The following PFAS variants were observed in gnomAD, a reference collection of about 807,000 sequenced individuals.
PFAS encodes the protein phosphoribosylformylglycinamidine synthase, also known as FGAM synthase.
In PFAS, 97 loss-of-function variants were observed where a neutral mutation model predicts 140.6. The observed-to-expected ratio is 0.69, with a 90% CI of 0.59 to 0.82. PFAS has a LOEUF of 0.82. PFAS is among the 40% of genes least tolerant of loss of function. The pLI is 0.00. For synonymous variants in PFAS, 679 were observed against 718.8 expected (o/e 0.94, Z 0.88); for missense variants, 1,656 against 1,780.2 (o/e 0.93, Z 1.26).
chr17:8,266,985 C>T lies in PFAS; in HGVS notation c.2968-43C>T, dbSNP rs776813806. On this transcript the variant is annotated intron_variant, in intron 23 of 27. Transcript: ENST00000314666. This position sits in a 1 kb window ranked among gnomAD's most constrained non-coding sequence, Gnocchi z 5.0. Reference sequence around the variant, plus strand: ...ATCCCTCTCCCACTGTGGAGGGGGCCATCCTTTCTCCTAGCCCGTGGGAGA... The same window carrying T: ...ATCCCTCTCCCACTGTGGAGGGGGCTATCCTTTCTCCTAGCCCGTGGGAGA... The T allele has an allele frequency of 1.0e-5, 16 of 1,606,506 alleles. No homozygotes were observed. In the South Asian group the frequency reaches 1.1e-4, roughly 11 times the overall value.
Position 8,266,746 on chromosome 17 carries a change from C to T in PFAS, c.2822-7C>T. ...CATCCCCCTGACTCCCCACATTGCTCTCCCAGTCCTGTCTGTGCTGTTCGC... is the reference window on the plus strand; with the variant it reads ...CATCCCCCTGACTCCCCACATTGCTTTCCCAGTCCTGTCTGTGCTGTTCGC... On this transcript the variant is annotated splice_region_variant and splice_polypyrimidine_tract_variant and intron_variant, in intron 22 of 27. Coordinates refer to ENST00000314666, the MANE Select transcript of PFAS (RefSeq NM_012393.3). This position sits in a 1 kb window ranked among gnomAD's most constrained non-coding sequence, Gnocchi z 5.0. The T allele has an allele frequency of 1.3e-6, 2 of 1,593,926 alleles. No individual in the cohort carries two copies. The highest frequency in any genetic ancestry group is 8.5e-7 in the Non-Finnish European group (1 of 1,171,648).
Position 8,257,792 on chromosome 17 carries a change from C to G in PFAS, c.1076-15C>G, listed in dbSNP as rs200391426. 4 of 1,613,552 alleles carry G rather than the reference C, an allele frequency of 2.5e-6. No individual in the cohort carries two copies. The highest frequency in any genetic ancestry group is 3.4e-6 in the Non-Finnish European group (4 of 1,179,578). ...GTTCATTCAGTTCATCCAGTTCTCT[C>G]TCCTTCCCTCCCAGGTTACAATCTG... On this transcript the variant is annotated splice_polypyrimidine_tract_variant and intron_variant, in intron 9 of 27. Transcript: ENST00000314666.
At chr17:8,260,531 A>G (rs1400884100) in intron 11 of PFAS, among the ~76,000 whole-genome samples, 2 of 152,210 alleles carry the variant, frequency 1.3e-5, no homozygotes, top group African/African-American at 2.4e-5. Context: ...TTGTTTACCC[A>G]TTCCTTAGTT....
At position 8,269,188 on chromosome 17, in the gene PFAS, T is replaced by G. The variant is rs62637606; in HGVS notation, c.3941T>G (p.Phe1314Cys). Residue 1314 changes from phenylalanine (F) to cysteine (C), a missense_variant, in exon 28 of 28, where the codon TTT becomes TGT. Coordinates refer to ENST00000314666, the MANE Select transcript of PFAS (RefSeq NM_012393.3). The stretch of plus-strand genomic sequence containing the variant: ...CAGTGGGCATGGCGACCCCCTCCAT[T>G]TGATACTCTGACCACCTCCCCCTGG... ...PWQWAWRPPP[F>C]DTLTTSPWLQ... is the part of the protein sequence containing the mutation. The G allele has an allele frequency of 0.052, 84,026 of 1,613,504 alleles. 2,512 individuals carry two copies. The highest frequency in any genetic ancestry group is 0.11 in the Middle Eastern group (653 of 6,060).
rs1256015724 is a variant in PFAS, at chr17:8,265,118, A to G, written c.2273A>G (p.Asp758Gly). The change falls in exon 18 of 28, where the codon GAC becomes GGC. Residue 758 changes from aspartate (D) to glycine (G), a missense_variant. Physicochemically the swap from Asp to Gly is moderately conservative, Grantham distance 94 (BLOSUM62 -1). Coordinates refer to ENST00000314666, the MANE Select transcript of PFAS (RefSeq NM_012393.3). ...LTNLVFALVT[D>G]LRDVKCSGNW... The stretch of plus-strand genomic sequence containing the variant: ...AACCTGGTGTTTGCTCTGGTCACTG[A>G]CCTCCGGGTGAGTTCTCCCACAGCT... 3 of 1,611,200 alleles carry G rather than the reference A, an allele frequency of 1.9e-6. No individual in the cohort carries two copies.
In PFAS at chr17:8,267,174, G is replaced by T; in HGVS notation, c.3114G>T (p.Arg1038=). The T allele has an allele frequency of 6.2e-7, 1 of 1,608,250 alleles. No individual in the cohort carries two copies. The highest frequency in any genetic ancestry group is 8.5e-7 in the Non-Finnish European group (1 of 1,177,946). The part of the protein sequence containing the change: ...VAEEERGLRE[R]MGPSYCLPPT... ...AGGAGGAACGGGGCCTGAGGGAGCG[G>T]ATGGGGCCCAGCTATTGCCTGCCCC... is the stretch of plus-strand genomic sequence containing the variant. The change falls in exon 24 of 28, where the codon CGG becomes CGT. Residue 1038 remains arginine, a synonymous_variant. Coordinates refer to ENST00000314666, the MANE Select transcript of PFAS (RefSeq NM_012393.3). The surrounding 1 kb of genome is among the most constrained non-coding windows in gnomAD (Gnocchi z 4.9).
rs967165034 is a variant in PFAS, at chr17:8,264,114, A to G, written c.1792-98A>G. The G allele has an allele frequency of 1.4e-5, 22 of 1,543,956 alleles. No individual in the cohort carries two copies. The African/African-American group carries it at 3.0e-4, about 21-fold the overall frequency. ...CAGGGACTCAATATGGAAACCAAACAAGGAGTGGAAAGCACATTTGTGCCC... is the reference window on the plus strand; with the variant it reads ...CAGGGACTCAATATGGAAACCAAACGAGGAGTGGAAAGCACATTTGTGCCC... On this transcript the variant is annotated intron_variant, in intron 15 of 27. Coordinates refer to ENST00000314666, the MANE Select transcript of PFAS (RefSeq NM_012393.3).
intron 9 of PFAS, among the ~76,000 whole-genome samples, chr17:8,257,461 CGA>C (rs1989418317): frequency 6.6e-6 from 1 of 152,032 alleles, no homozygotes; most frequent in South Asian, 2.1e-4. Flanking sequence ...GAGGCTGAGG[CGA>C]GAGAATGGCG....
At position 8,254,321 on chromosome 17, in the gene PFAS, C is replaced by T; in HGVS notation, c.278+20C>T. Reference sequence around the variant, plus strand: ...GCCCAGGTAAGTATCTCATCCTGCCCACCCCTTTCTTCTGCTTTCCTTTGC... The same window carrying T: ...GCCCAGGTAAGTATCTCATCCTGCCTACCCCTTTCTTCTGCTTTCCTTTGC... On this transcript the variant is annotated intron_variant, in intron 3 of 27. Transcript: ENST00000314666. The T allele has an allele frequency of 1.2e-6, 2 of 1,613,276 alleles. No individual in the cohort carries two copies. Among genetic ancestry groups the T allele is most frequent in the Non-Finnish European group, 1.7e-6 (2 of 1,179,780 alleles).
At position 8,264,915 on chromosome 17, in the gene PFAS, C is replaced by A; in HGVS notation, c.2070C>A (p.Gly690=). ...LTNKVDRSVG[G]LVAQQQCVGP... ...CACAGGTGGACCGCTCTGTGGGAGGCCTGGTGGCCCAGCAGCAGTGCGTGG... is the reference window on the plus strand; with the variant it reads ...CACAGGTGGACCGCTCTGTGGGAGGACTGGTGGCCCAGCAGCAGTGCGTGG... The change falls in exon 18 of 28, where the codon GGC becomes GGA. Residue 690 remains glycine, a synonymous_variant. Coordinates refer to ENST00000314666, the MANE Select transcript of PFAS (RefSeq NM_012393.3). 1.3e-6 allele frequency: 2 copies of A among 1,593,706 alleles called. No individual in the cohort carries two copies. Among genetic ancestry groups the A allele is most frequent in the East Asian group, 4.5e-5 (2 of 44,178 alleles).
In PFAS at chr17:8,254,008, G is replaced by C; in HGVS notation, c.71G>C (p.Arg24Thr). 1 of 1,614,078 alleles carries C rather than the reference G, an allele frequency of 6.2e-7. No homozygotes were observed. Among genetic ancestry groups the C allele is most frequent in the Non-Finnish European group, 8.5e-7 (1 of 1,179,966 alleles). ...HEGAAPGHTR[R>T]KLQGKLPELQ... ...GGGGCAGCCCCTGGACACACTCGGAGGAAACTGCAAGGGAAACTGCCAGAG... is the reference window on the plus strand; with the variant it reads ...GGGGCAGCCCCTGGACACACTCGGACGAAACTGCAAGGGAAACTGCCAGAG... The change falls in exon 2 of 28, where the codon AGG (arginine) becomes ACG (threonine). Residue 24 changes from arginine to threonine, a missense_variant. Physicochemically the swap from Arg to Thr is moderately conservative, Grantham distance 71 (BLOSUM62 -1). Coordinates refer to ENST00000314666, the MANE Select transcript of PFAS (RefSeq NM_012393.3).
Position 8,267,868 on chromosome 17 carries a change from AT to A in PFAS, c.3382+204del, listed in dbSNP as rs1176573616. 6.8e-6 allele frequency among the ~76,000 whole-genome samples: 1 copy of A among 146,846 alleles called. No homozygotes were observed. Among genetic ancestry groups the A allele is most frequent in the Non-Finnish European group, 1.5e-5 (1 of 67,042 alleles). On this transcript the variant is annotated intron_variant, in intron 26 of 27. Transcript: ENST00000314666. The surrounding 1 kb of genome is among the most constrained non-coding windows in gnomAD (Gnocchi z 4.9). The stretch of plus-strand genomic sequence containing the variant: ...TGAAAAAAAGTATATATATACACAT[AT>A]GTAATTAAAATATATATTATTAAAT...
intron 3 of PFAS, 32 bp downstream of exon 3, chr17:8,254,333 C>T (rs761203065): frequency 2.5e-5 from 40 of 1,612,106 alleles, no homozygotes; most frequent in Non-Finnish European, 8.5e-7. Flanking sequence ...CCCCTTTCTT[C>T]TGCTTTCCTT....
chr17:8,266,618 C>T lies in PFAS; in HGVS notation c.2822-135C>T. ...TCAGTCCTGCCGTCCTAGCCCTCAT[C>T]CTCCCTGATCCCTACCCTACTCTCT... is the stretch of plus-strand genomic sequence containing the variant. On this transcript the variant is annotated intron_variant, in intron 22 of 27. Coordinates refer to ENST00000314666, the MANE Select transcript of PFAS (RefSeq NM_012393.3). This position sits in a 1 kb window ranked among gnomAD's most constrained non-coding sequence, Gnocchi z 5.0. 6.7e-7 allele frequency: 1 copy of T among 1,494,852 alleles called. No homozygotes were observed. Among genetic ancestry groups the T allele is most frequent in the Non-Finnish European group, 8.9e-7 (1 of 1,129,576 alleles). 92.6% of individuals were successfully genotyped at this position (1,494,852 alleles called of 1,614,324 possible). A position where few individuals can be genotyped will look rare whatever the true frequency, so the allele number is the denominator to read the frequency against.
At chr17:8,262,273 G>T (rs1989623664) in intron 11 of PFAS, among the ~76,000 whole-genome samples, 2 of 152,028 alleles carry the variant, frequency 1.3e-5, no homozygotes, top group Admixed American at 1.3e-4. Context: ...TGAGGTCTCT[G>T]TTGTCAGCCT....
At chr17:8,256,128 C>T (rs554013753) in intron 6 of PFAS, 139 bp from the exon 7 acceptor site, 1 of 937,912 alleles carries the variant, frequency 1.1e-6, no homozygotes, top group African/African-American at 1.7e-5. Flanking sequence ...AAGATTATGA[C>T]TTTTTGGAAT....
chr17:8,263,352 C>A, intron 13 of PFAS, 87 bp downstream of exon 13: 2 of 1,410,136 alleles, frequency 1.4e-6, no homozygotes, highest in Non-Finnish European at 2.0e-6. Context: ...AATCTCCAAC[C>A]AACCACCCAG....
intron 1 of PFAS, among the ~76,000 whole-genome samples, chr17:8,252,759 A>G (rs538855768): frequency 2.0e-4 from 31 of 152,088 alleles, no homozygotes; most frequent in African/African-American, 7.5e-4. Context: ...CTGGGACTAC[A>G]GGCACATGCC....
rs772907139 is a variant in PFAS, at chr17:8,255,061, G to A, written c.313G>A (p.Val105Met). The A allele has an allele frequency of 1.5e-5, 24 of 1,613,970 alleles. No individual in the cohort carries two copies. The highest frequency in any genetic ancestry group is 1.1e-4 in the South Asian group (10 of 91,084). Residue 105 changes from valine to methionine, a missense_variant, in exon 4 of 28, where the codon GTG becomes ATG. Val to Met is a conservative substitution (Grantham distance 21). Transcript: ENST00000314666. ...NFSTPTSTNI[V>M]SVCRATGLGP... The stretch of plus-strand genomic sequence containing the variant: ...CTCCACCCCAACATCCACCAACATC[G>A]TGTCAGTGTGCCGCGCCACTGGGCT...
Sources: allele counts gnomAD v4.1 joint callset (sites outside exome capture counted in the v4.1 genomes callset), GRCh38; gene constraint gnomAD v4.1.1; non-coding constraint Gnocchi (gnomAD v3.1); transcripts MANE v1.5; gene names NCBI Gene and HGNC (gene_info 2026-07-23, HGNC 2026-07-21).